ZC3H14: variants seen among roughly 807,000 people sequenced by gnomAD.
ZC3H14 encodes the protein zinc finger CCCH domain-containing protein 14.
Under a neutral mutation model 92.4 loss-of-function variants are expected in ZC3H14, and 31 were observed. The observed-to-expected ratio is 0.34, with a 90% CI of 0.25 to 0.45. The LOEUF (loss-of-function observed/expected upper bound fraction) is 0.45. ZC3H14 is among the 20% of genes least tolerant of loss of function. The probability of loss-of-function intolerance (pLI) is 1.00; values close to 1 mark genes in which losing one functional copy is unlikely to be tolerated. For missense variants in ZC3H14, 781 were observed against 897.3 expected, an observed-to-expected ratio of 0.87 and a Z score of 1.66; for synonymous variants, 321 against 300.9, an observed-to-expected ratio of 1.07 and a Z score of -0.69.
At chr14:88,611,228 C>A (rs2086667067) in intron 16 of ZC3H14, among the ~76,000 whole-genome samples, 1 of 65,336 alleles carries the variant, frequency 1.5e-5, no homozygotes, top group Admixed American at 1.7e-4. Context: ...TGGGTTCAAT[C>A]CATCCTCCCA....
chr14:88,592,417 C>T (rs952363308), intron 9 of ZC3H14: 2 of 150,718 alleles, frequency 1.3e-5, no homozygotes, highest in Admixed American at 1.3e-4. Flanking sequence ...AATTCCAGCA[C>T]TTAGCATTTT....
At chr14:88,564,346 A>G (rs1420708654) in intron 2 of ZC3H14, among the ~76,000 whole-genome samples, 1 of 152,156 alleles carries the variant, frequency 6.6e-6, no homozygotes, top group African/African-American at 2.4e-5. Context: ...ACTATTGTAT[A>G]TGTATTAACT....
rs761432121 is a variant in ZC3H14 at position 88,618,247 on chromosome 14, T to C, written c.*6496T>C. ...ATTTACCTAGTCCATGTAGCCCAAG[T>C]AATTCTGTCAATAGCGGCATGATCC... On this transcript the variant is annotated 3_prime_UTR_variant, in exon 17 of 17. Transcript: ENST00000251038. 2 of 1,613,808 alleles carry C rather than the reference T, an allele frequency of 1.2e-6. No individual in the cohort carries two copies. Among genetic ancestry groups the C allele is most frequent in the African/African-American group, 1.3e-5 (1 of 75,050 alleles).
chr14:88,612,534 C>T lies in ZC3H14; in HGVS notation c.*783C>T, dbSNP rs1228113547. ...AAATTTTTTTACAAGTATTTACATA[C>T]TGTATCTGAAAACAGACTTTAAAGT... is the stretch of plus-strand genomic sequence containing the variant. On this transcript the variant is annotated 3_prime_UTR_variant, in exon 17 of 17. Coordinates refer to ENST00000251038, the MANE Select transcript of ZC3H14 (RefSeq NM_024824.5). 1 of 152,508 alleles carries T rather than the reference C, an allele frequency of 6.6e-6. No individual in the cohort carries two copies. Among genetic ancestry groups the T allele is most frequent in the Non-Finnish European group, 1.5e-5 (1 of 68,028 alleles). The allele number at this position is 152,508 out of a possible 1,614,324, so 9.4% of individuals were successfully genotyped here. A position where few individuals can be genotyped will look rare whatever the true frequency, so the allele number is the denominator to read the frequency against.
intron 8 of ZC3H14, among the ~76,000 whole-genome samples, chr14:88,576,599 C>G (rs1040701692): frequency 1.3e-5 from 2 of 152,214 alleles, no homozygotes; most frequent in Non-Finnish European, 2.9e-5. Context: ...TCTGTACTCT[C>G]TGGCCGACCT....
chr14:88,602,736 G>T, intron 11 of ZC3H14, 92 bp from the exon 12 acceptor site: 2 of 1,340,546 alleles, frequency 1.5e-6, no homozygotes, highest in Non-Finnish European at 1.1e-6. Context: ...GCAAAGCCAA[G>T]GGAGTGATAG....
chr14:88,590,135 A>G (rs1468067367), intron 9 of ZC3H14: 1 of 151,980 alleles, frequency 6.6e-6, no homozygotes, highest in Non-Finnish European at 1.5e-5. Context: ...GTCTCCAAAA[A>G]AAAAAAGGCA....
In ZC3H14 at chr14:88,571,996, A is replaced by G. The variant is rs761355833; in HGVS notation, c.236-34A>G. ...ATAAATAAATAAAAATAAGAAATAAAAATAGATTAAAAGGACTGTATTTTT... is the reference window on the plus strand; with the variant it reads ...ATAAATAAATAAAAATAAGAAATAAGAATAGATTAAAAGGACTGTATTTTT... On this transcript the variant is annotated intron_variant, in intron 4 of 16. Coordinates refer to ENST00000251038, the MANE Select transcript of ZC3H14 (RefSeq NM_024824.5). 2.0e-6 allele frequency: 3 copies of G among 1,476,068 alleles called. No individual in the cohort carries two copies. The South Asian group carries it at 4.1e-5, about 20-fold the overall frequency. 91.4% of individuals were successfully genotyped at this position (1,476,068 alleles called of 1,614,324 possible).
chr14:88,582,528 A>G (rs2082018754), intron 9 of ZC3H14, among the ~76,000 whole-genome samples: 1 of 152,262 alleles, frequency 6.6e-6, no homozygotes. Flanking sequence ...GCGTTAATAT[A>G]AAAAGCACAT....
Position 88,572,281 on chromosome 14 carries a change from A to G in ZC3H14, c.431+56A>G, listed in dbSNP as rs1199667824. The G allele has an allele frequency of 1.9e-6, 3 of 1,576,748 alleles. No individual in the cohort carries two copies. In the African/African-American group the frequency reaches 4.1e-5, roughly 21 times the overall value. On this transcript the variant is annotated intron_variant, in intron 5 of 16. Coordinates refer to ENST00000251038, the MANE Select transcript of ZC3H14 (RefSeq NM_024824.5). ...AGATGGCTCTGTGTATGTGACATTT[A>G]TATTAGTTTTTATATCTTTCAGTTT...
In ZC3H14 at chr14:88,613,930, T is replaced by TA. The variant is rs1293489108; in HGVS notation, c.*2180dup. On this transcript the variant is annotated 3_prime_UTR_variant, in exon 17 of 17. Coordinates refer to ENST00000251038, the MANE Select transcript of ZC3H14 (RefSeq NM_024824.5). ...GCGAGGTGGTCAGCTGATGACTACT[T>TA]AGTCAATATGACCTTTAGTCGTGAA... The TA allele has an allele frequency of 5.9e-5, 9 of 152,324 alleles. No homozygotes were observed. The highest frequency in any genetic ancestry group is 2.2e-4 in the African/African-American group (9 of 41,574). The allele number at this position is 152,324 out of a possible 1,614,324, so 9.4% of individuals were successfully genotyped here.
intron 15 of ZC3H14, 150 bp downstream of exon 15, chr14:88,609,953 CCATCTGGCCCCTTAGG>C (rs1002765226): frequency 7.1e-6 from 6 of 845,292 alleles, no homozygotes; most frequent in Admixed American, 6.1e-5. Flanking sequence ...CACTGAACCT[CCATCTGGCCCCTTAGG>C]CCAAGTGGTC....
chr14:88,609,349 G>A lies in ZC3H14; in HGVS notation c.1951G>A (p.Asp651Asn). Residue 651 changes from aspartate to asparagine, a missense_variant, in exon 14 of 17, where the codon GAT (aspartate) becomes AAT (asparagine). Coordinates refer to ENST00000251038, the MANE Select transcript of ZC3H14 (RefSeq NM_024824.5). ...ATATGATGCAAAGTGTACTAAACCA[G>A]ATTGTCCCTTCACTCATGTGAGTAG... ...CKYDAKCTKPDCPFTHVSRRI... is the reference protein window; with the variant it reads ...CKYDAKCTKPNCPFTHVSRRI... The A allele has an allele frequency of 6.2e-7, 1 of 1,614,022 alleles. No individual in the cohort carries two copies. The highest frequency in any genetic ancestry group is 8.5e-7 in the Non-Finnish European group (1 of 1,179,970).
Position 88,581,277 on chromosome 14 carries a change from G to A in ZC3H14, c.1279+3137G>A, listed in dbSNP as rs551610959. Among the ~76,000 whole-genome samples, 4 of 152,202 alleles carry A rather than the reference G, an allele frequency of 2.6e-5. No homozygotes were observed. In the East Asian group the frequency reaches 7.7e-4, roughly 29 times the overall value. ...CCTATTTAAAAAACTAGGCTTCTTG[G>A]GCTGGGTGCAGTTGCTCACGCCTGT... On this transcript the variant is annotated intron_variant, in intron 9 of 16. Coordinates refer to ENST00000251038, the MANE Select transcript of ZC3H14 (RefSeq NM_024824.5).
chr14:88,611,600 T>C, intron 16 of ZC3H14, 145 bp from the exon 17 acceptor site: 1 of 885,780 alleles, frequency 1.1e-6, no homozygotes, highest in Non-Finnish European at 1.7e-6. Flanking sequence ...CATAATTGAA[T>C]TATTTTTAAA....
In ZC3H14 at chr14:88,607,263, G is replaced by A. The variant is rs2085560333; in HGVS notation, c.1768G>A (p.Val590Met). 6.2e-7 allele frequency: 1 copy of A among 1,614,084 alleles called. No individual in the cohort carries two copies. Among genetic ancestry groups the A allele is most frequent in the Non-Finnish European group, 8.5e-7 (1 of 1,179,966 alleles). ...TGTAGCTGAGATGAGTGAACTGAGT[G>A]TGGCACAGAAACCAGAAAAACTTTT... ...FSNAEMSELS[V>M]AQKPEKLLER... Residue 590 changes from valine (V) to methionine (M), a missense_variant, in exon 13 of 17, where the codon GTG (valine) becomes ATG (methionine). Around this residue, in one of 3 missense-constraint regions of ZC3H14, gnomAD observed 221 missense variants for 304.7 expected, o/e 0.73. Transcript: ENST00000251038.
intron 4 of ZC3H14, among the ~76,000 whole-genome samples, chr14:88,571,699 C>T (rs976193590): frequency 7.2e-5 from 11 of 152,294 alleles, no homozygotes; most frequent in South Asian, 4.1e-4. Context: ...CGGTGGCTCA[C>T]GCCTGTAATC....
In ZC3H14 at chr14:88,624,866, G is replaced by A. The variant is rs114063242; in HGVS notation, c.*13115G>A. ...GGAGAAGCATATGAGGAGGAAGGTC[G>A]GAGAGGACACTCTGTGTAGCCTAGA... On this transcript the variant is annotated 3_prime_UTR_variant, in exon 17 of 17. Transcript: ENST00000251038. The A allele has an allele frequency of 5.0e-4, 651 of 1,293,748 alleles. 4 individuals carry two copies. The highest frequency in any genetic ancestry group is 4.7e-3 in the South Asian group (302 of 64,688). The allele number at this position is 1,293,748 out of a possible 1,614,324, so 80.1% of individuals were successfully genotyped here.
In ZC3H14 at chr14:88,563,434, C is replaced by T; in HGVS notation, c.37-217C>T. The T allele has an allele frequency of 2.1e-6, 3 of 1,429,348 alleles. No homozygotes were observed. In the South Asian group the frequency reaches 4.6e-5, roughly 22 times the overall value. 88.5% of individuals were successfully genotyped at this position (1,429,348 alleles called of 1,614,324 possible). A position where few individuals can be genotyped will look rare whatever the true frequency, so the allele number is the denominator to read the frequency against. Reference sequence around the variant, plus strand: ...GAGCCACCACCGCGGCGCACGGCGCCGCTTTGGATCCGCTGCGGGAGGTGG... The same window carrying T: ...GAGCCACCACCGCGGCGCACGGCGCTGCTTTGGATCCGCTGCGGGAGGTGG... On this transcript the variant is annotated intron_variant, in intron 1 of 16. Coordinates refer to ENST00000251038, the MANE Select transcript of ZC3H14 (RefSeq NM_024824.5).
Sources: gnomAD v4.1 joint callset for allele counts (sites outside exome capture counted in the v4.1 genomes callset) on GRCh38, gnomAD v4.1.1 for gene constraint, gnomAD v4.1.1 regional missense constraint, MANE v1.5 for transcripts, NCBI Gene and HGNC (gene_info 2026-07-23, HGNC 2026-07-21) for gene names.